Variants in COL4A1 observed in about 807,000 individuals in gnomAD.
The protein encoded by COL4A1 is collagen alpha-1(IV) chain.
COL4A1 carries 40 observed loss-of-function variants against 216.6 expected under a neutral mutation model. The ratio of observed to expected loss-of-function variants is 0.18; its 90% CI spans 0.14 to 0.24. The LOEUF (loss-of-function observed/expected upper bound fraction) is 0.24. Ranked by LOEUF, COL4A1 falls within the 10% of genes least tolerant of loss-of-function variation. The pLI, the probability that COL4A1 is intolerant of heterozygous loss-of-function variation, is 1.00. For synonymous variants in COL4A1, 839 were observed against 810.7 expected (o/e 1.03, Z -0.59); for missense variants, 1,628 against 2,196.8 (o/e 0.74, Z 5.18).
chr13:110,189,945 C>G (rs1878561066), intron 24 of COL4A1, among the ~76,000 whole-genome samples: 1 of 152,178 alleles, frequency 6.6e-6, no homozygotes, highest in Non-Finnish European at 1.5e-5. Context: ...ATACACTGAA[C>G]TGGCAATATT....
At chr13:110,262,500 G>C (rs1189003914) in intron 1 of COL4A1, among the ~76,000 whole-genome samples, 2 of 152,132 alleles carry the variant, frequency 1.3e-5, no homozygotes, top group Non-Finnish European at 2.9e-5. Context: ...CTTAAGTATG[G>C]GATTTTAAAT....
At chr13:110,214,723 G>A (rs945747246) in intron 2 of COL4A1, among the ~76,000 whole-genome samples, 7 of 152,138 alleles carry the variant, frequency 4.6e-5, no homozygotes, top group African/African-American at 1.7e-4. Flanking sequence ...CTCTCCAGCC[G>A]CTGGCCTTGG....
At chr13:110,205,590 C>G in intron 15 of COL4A1, 52 bp from the exon 16 acceptor site, 1 of 1,598,542 alleles carries the variant, frequency 6.3e-7, no homozygotes, top group Non-Finnish European at 8.6e-7. Flanking sequence ...AGACTGCGCG[C>G]GGTGGCTCAT....
intron 50 of COL4A1, among the ~76,000 whole-genome samples, chr13:110,153,502 G>A (rs1876611840): frequency 6.6e-6 from 1 of 152,174 alleles, no homozygotes; most frequent in Admixed American, 6.5e-5. Flanking sequence ...GCAACTGTGG[G>A]CTTTCTCTGA....
At chr13:110,254,827 G>A (rs1882439422) in intron 1 of COL4A1, among the ~76,000 whole-genome samples, 1 of 152,170 alleles carries the variant, frequency 6.6e-6, no homozygotes, top group African/African-American at 2.4e-5. Flanking sequence ...ACTTAGGTAA[G>A]CCCTCCTTTT....
rs1878671274 is a variant in COL4A1, at chr13:110,192,317, A to G, written c.1466-33T>C. The G allele has an allele frequency of 2.5e-6, 4 of 1,599,066 alleles. 1 individual carries two copies. The East Asian group carries it at 8.9e-5, about 36-fold the overall frequency. ...GAGAGAGAGGGAAAAAGACAGCAAC[A>G]CAGCATTCATGAGACACTTCTCAAA... On this transcript the variant is annotated intron_variant, in intron 23 of 51. Transcript: ENST00000375820.
At chr13:110,290,224 GA>G (rs1431739660) in intron 1 of COL4A1, among the ~76,000 whole-genome samples, 2 of 152,164 alleles carry the variant, frequency 1.3e-5, no homozygotes, top group East Asian at 3.9e-4. Context: ...CAACAAGTGC[GA>G]ACACACTAAG....
intron 22 of COL4A1, among the ~76,000 whole-genome samples, chr13:110,194,329 T>G (rs1878778547): frequency 6.6e-6 from 1 of 152,080 alleles, no homozygotes; most frequent in African/African-American, 2.4e-5. Flanking sequence ...CACAGTGGGG[T>G]TGATTTGAGG....
At chr13:110,266,376 A>G (rs1883035552) in intron 1 of COL4A1, among the ~76,000 whole-genome samples, 1 of 152,194 alleles carries the variant, frequency 6.6e-6, no homozygotes, top group South Asian at 2.1e-4. Context: ...CTCTGTCGCC[A>G]CGAATCCTAG....
At chr13:110,254,700 A>C (rs1462630405) in intron 1 of COL4A1, among the ~76,000 whole-genome samples, 1 of 152,194 alleles carries the variant, frequency 6.6e-6, no homozygotes, top group Admixed American at 6.5e-5. Context: ...CCCCCAGAAT[A>C]GCGACATCAC....
rs1335454509 is a variant in COL4A1 at position 110,151,341 on chromosome 13, A to G, written c.4929-897T>C. ...AAACCCATCATTACCTATCAACCTT[A>G]TAAGAGGACACCGCAAGGGCTGAGG... On this transcript the variant is annotated intron_variant, in intron 51 of 51. Transcript: ENST00000375820. Among the ~76,000 whole-genome samples the G allele has an allele frequency of 4.0e-5, 6 of 151,864 alleles. No homozygotes were observed. The East Asian group carries it at 7.7e-4, about 20-fold the overall frequency.
At chr13:110,197,952 C>T (rs1465772988) in intron 21 of COL4A1, among the ~76,000 whole-genome samples, 3 of 152,184 alleles carry the variant, frequency 2.0e-5, no homozygotes, top group African/African-American at 7.2e-5. Context: ...ATTGGGACCA[C>T]ACGGCCATCT....
chr13:110,184,862 G>T (rs533721011), intron 26 of COL4A1, among the ~76,000 whole-genome samples: 27 of 152,018 alleles, frequency 1.8e-4, no homozygotes, highest in Non-Finnish European at 3.7e-4. Flanking sequence ...AGATGCCAGG[G>T]TTTCACCATG....
chr13:110,257,853 T>C (rs1030346101), intron 1 of COL4A1, among the ~76,000 whole-genome samples: 1 of 152,240 alleles, frequency 6.6e-6, no homozygotes, highest in African/African-American at 2.4e-5. Context: ...AACTCTTGCC[T>C]TTTCCAAAGG....
At chr13:110,251,591 CAG>C (rs1882074821) in intron 1 of COL4A1, among the ~76,000 whole-genome samples, 1 of 152,196 alleles carries the variant, frequency 6.6e-6, no homozygotes, top group Non-Finnish European at 1.5e-5. Context: ...GGGAGGTGAG[CAG>C]AGACTCACGG....
chr13:110,215,418 G>C (rs1208263701), intron 2 of COL4A1, among the ~76,000 whole-genome samples: 1 of 152,044 alleles, frequency 6.6e-6, no homozygotes, highest in Non-Finnish European at 1.5e-5. Flanking sequence ...AAAATTAGTT[G>C]GGTGTAGTGG....
rs1249779655 is a variant in COL4A1, at chr13:110,235,332, T to C, written c.144+7343A>G. Among the ~76,000 whole-genome samples, 5 of 152,198 alleles carry C rather than the reference T, an allele frequency of 3.3e-5. No individual in the cohort carries two copies. In the East Asian group the frequency reaches 9.6e-4, roughly 29 times the overall value. ...AATATAATTTATAGGAAAAATTTTT[T>C]AATATTCTGTTAAAAACAGCAATAA... is the stretch of plus-strand genomic sequence containing the variant. On this transcript the variant is annotated intron_variant, in intron 2 of 51. Transcript: ENST00000375820.
At chr13:110,291,466 C>A (rs768794284) in intron 1 of COL4A1, among the ~76,000 whole-genome samples, 1 of 152,182 alleles carries the variant, frequency 6.6e-6, no homozygotes, top group Non-Finnish European at 1.5e-5. Context: ...CAGGTCACAG[C>A]ATGGACCTCG....
chr13:110,250,973 T>A (rs574020168), intron 1 of COL4A1, among the ~76,000 whole-genome samples: 102 of 152,362 alleles, frequency 6.7e-4, no homozygotes, highest in Non-Finnish European at 1.2e-3. Flanking sequence ...TCTTAGCTAC[T>A]CTTCCCGGTT....
Sources: gnomAD v4.1 joint callset for allele counts (sites outside exome capture counted in the v4.1 genomes callset) on GRCh38, gnomAD v4.1.1 for gene constraint, MANE v1.5 for transcripts, NCBI Gene and HGNC (gene_info 2026-07-23, HGNC 2026-07-21) for gene names.